The following ICE2 variants were observed in gnomAD, a reference collection of about 807,000 sequenced individuals.
The protein encoded by ICE2 is interactor of little elongation complex ELL subunit 2, also known as little elongation complex subunit 2.
A neutral mutation model predicts 105.4 loss-of-function variants in ICE2; 87 were observed. The observed-to-expected ratio is 0.83, with a 90% CI of 0.69 to 0.99. ICE2 has a LOEUF of 0.99. ICE2 is among the 50% of genes least tolerant of loss of function. ICE2 has a pLI of 0.00. For synonymous variants in ICE2, 399 were observed against 392.0 expected (o/e 1.02, Z -0.21); for missense variants, 1,323 against 1,146.7 (o/e 1.15, Z -2.22).
intron 12 of ICE2, among the ~76,000 whole-genome samples, chr15:60,437,190 G>A (rs932782780): frequency 6.6e-6 from 1 of 151,922 alleles, no homozygotes; most frequent in African/African-American, 2.4e-5. Context: ...AGGAGATGGA[G>A]GTTGCAGTGA....
intron 3 of ICE2, among the ~76,000 whole-genome samples, chr15:60,474,374 A>C (rs182270523): frequency 6.6e-6 from 1 of 152,162 alleles, no homozygotes; most frequent in Non-Finnish European, 1.5e-5. Context: ...TTATACAAAC[A>C]CATGTAAAAA....
intron 15 of ICE2, 99 bp downstream of exon 15, chr15:60,428,330 A>G (rs1595737724): frequency 1.6e-6 from 2 of 1,271,062 alleles, no homozygotes; most frequent in East Asian, 2.3e-5. Flanking sequence ...GCTGTGATTA[A>G]TATGACAATG....
intron 5 of ICE2, among the ~76,000 whole-genome samples, chr15:60,459,572 G>A (rs1273844455): frequency 6.6e-6 from 1 of 152,108 alleles, no homozygotes; most frequent in African/African-American, 2.4e-5. Context: ...GGTTTGAGAA[G>A]AAACGGTGGG....
chr15:60,428,676 C>T lies in ICE2; in HGVS notation c.2573G>A (p.Gly858Asp), dbSNP rs1017718277. The change falls in exon 15 of 16, where the codon GGT becomes GAT. Residue 858 changes from glycine (G) to aspartate (D), a missense_variant. Gly to Asp is a moderately conservative substitution (Grantham distance 94, BLOSUM62 -1). Transcript: ENST00000261520. Reference protein sequence around the residue: ...ILKKLSSLQEGSYLLSHAAED... With the variant: ...ILKKLSSLQEDSYLLSHAAED... ...TGCTGCATGAGATAACAAGTAGGAA[C>T]CCTCCTGCAAGCTAAATTCACACAA... 6.2e-7 allele frequency: 1 copy of T among 1,613,358 alleles called. No homozygotes were observed. Among genetic ancestry groups the T allele is most frequent in the Non-Finnish European group, 8.5e-7 (1 of 1,179,414 alleles).
At chr15:60,463,890 C>T (rs2064348143) in intron 5 of ICE2, among the ~76,000 whole-genome samples, 1 of 152,220 alleles carries the variant, frequency 6.6e-6, no homozygotes. Context: ...ACTGATTATT[C>T]ACTCAAGTAA....
intron 2 of ICE2, among the ~76,000 whole-genome samples, chr15:60,477,475 A>G (rs375490620): frequency 6.6e-5 from 10 of 152,376 alleles, no homozygotes; most frequent in African/African-American, 2.4e-4. Flanking sequence ...CAAAACCACT[A>G]TATTATTTAA....
chr15:60,470,209 A>T (rs944162017), intron 3 of ICE2, among the ~76,000 whole-genome samples: 2 of 152,238 alleles, frequency 1.3e-5, no homozygotes, highest in Non-Finnish European at 2.9e-5. Flanking sequence ...GCATTAGACA[A>T]GTCAATGAAG....
At chr15:60,451,329 A>G in intron 9 of ICE2, 1 of 890,296 alleles carries the variant, frequency 1.1e-6, no homozygotes, top group South Asian at 5.2e-5. Context: ...ATTTCAAAAA[A>G]TGAACTATAA....
rs1396481778 is a variant in ICE2, at chr15:60,438,939, A to T, written c.2426-2712T>A. 1.3e-5 allele frequency: 2 copies of T among 152,236 alleles called. 1 individual carries two copies. The highest frequency in any genetic ancestry group is 2.9e-5 in the Non-Finnish European group (2 of 68,032). The allele number at this position is 152,236 out of a possible 1,614,324, so 9.4% of individuals were successfully genotyped here. On this transcript the variant is annotated intron_variant, in intron 12 of 15. Transcript: ENST00000261520. ...AAATATTTATGTGCATCAAGGTTGG[A>T]AAGCACTGATTTATAGAGGACAAAT... is the stretch of plus-strand genomic sequence containing the variant.
chr15:60,456,704 A>T lies in ICE2; in HGVS notation c.619T>A (p.Phe207Ile). The T allele has an allele frequency of 6.2e-7, 1 of 1,600,202 alleles. No individual in the cohort carries two copies. The highest frequency in any genetic ancestry group is 1.7e-5 in the Admixed American group (1 of 57,490). ...AACTTTAATCCCATCTCTACTCTGA[A>T]TGGGAAGAATCCCATTAAGCTGGTG... ...EVTSLMGFFPFRVEMGLKLEK... is the reference protein window; with the variant it reads ...EVTSLMGFFPIRVEMGLKLEK... Residue 207 changes from phenylalanine (F) to isoleucine (I), a missense_variant, in exon 6 of 16, where the codon TTC (phenylalanine) becomes ATC (isoleucine). Transcript: ENST00000261520.
At chr15:60,454,915 C>G in intron 8 of ICE2, 88 bp downstream of exon 8, 1 of 1,220,408 alleles carries the variant, frequency 8.2e-7, no homozygotes, top group Non-Finnish European at 1.1e-6. Flanking sequence ...TCCATGTGTT[C>G]TCATTGTTCA....
chr15:60,432,078 A>C, intron 13 of ICE2, 94 bp from the exon 14 acceptor site: 1 of 595,712 alleles, frequency 1.7e-6, no homozygotes, highest in Non-Finnish European at 3.0e-6. Context: ...CCTCAATAAC[A>C]ACAACAAAAA....
At chr15:60,455,749 C>A (rs910523834) in intron 6 of ICE2, among the ~76,000 whole-genome samples, 1 of 152,006 alleles carries the variant, frequency 6.6e-6, no homozygotes. Context: ...TCACGAATAG[C>A]TGGGATAACA....
chr15:60,455,517 A>G, intron 6 of ICE2, 75 bp from the exon 7 acceptor site: 1 of 895,872 alleles, frequency 1.1e-6, no homozygotes. Flanking sequence ...CTTTCATCAT[A>G]TGAAACTCTT....
At chr15:60,456,336 A>G (rs1055668845) in intron 6 of ICE2, among the ~76,000 whole-genome samples, 2 of 150,416 alleles carry the variant, frequency 1.3e-5, no homozygotes, top group Non-Finnish European at 3.0e-5. Context: ...TGAGGTCAGG[A>G]GTTCGAGACC....
intron 3 of ICE2, among the ~76,000 whole-genome samples, chr15:60,474,440 G>A (rs1160043826): frequency 6.6e-6 from 1 of 151,912 alleles, no homozygotes; most frequent in Non-Finnish European, 1.5e-5. Flanking sequence ...TATCAACAGA[G>A]GTCAATTTAA....
chr15:60,437,795 T>A (rs2063629490), intron 12 of ICE2: 1 of 151,418 alleles, frequency 6.6e-6, no homozygotes, highest in Admixed American at 6.6e-5. Flanking sequence ...AAGACTATAG[T>A]TGTGTGCCAC....
At chr15:60,428,392 CA>C in intron 15 of ICE2, 36 bp downstream of exon 15, 1 of 1,588,478 alleles carries the variant, frequency 6.3e-7, no homozygotes, top group Non-Finnish European at 8.6e-7. Flanking sequence ...GAATAATAAA[CA>C]ACCTAATGAA....
chr15:60,449,793 A>G lies in ICE2; in HGVS notation c.1174T>C (p.Leu392=). 6.2e-7 allele frequency: 1 copy of G among 1,613,938 alleles called. No individual in the cohort carries two copies. The highest frequency in any genetic ancestry group is 1.1e-5 in the South Asian group (1 of 91,046). Residue 392 remains leucine (L), a synonymous_variant, in exon 10 of 16, where the codon TTG becomes CTG. Transcript: ENST00000261520. ...ECRKIESLEN[L]YLDFDDDVTE... ...ACATCATCATCAAAATCCAAATACA[A>G]GTTTTCAAGACTCTCAATTTTTCGG...
Sources: allele counts gnomAD v4.1 joint callset (sites outside exome capture counted in the v4.1 genomes callset), GRCh38; gene constraint gnomAD v4.1.1; transcripts MANE v1.5; gene names NCBI Gene and HGNC (gene_info 2026-07-23, HGNC 2026-07-21).